The following SPATA9 variants were observed in gnomAD, a reference collection of about 807,000 sequenced individuals.
SPATA9 encodes spermatogenesis-associated protein 9.
Under a neutral mutation model 25.5 loss-of-function variants are expected in SPATA9, and 27 were observed. That is an observed-to-expected ratio of 1.06 (90% confidence interval 0.78 to 1.46). SPATA9 has a LOEUF of 1.46. Ranked by LOEUF, SPATA9 falls within the 40% of genes most tolerant of loss-of-function variation. SPATA9 has a pLI of 0.00. For synonymous variants in SPATA9, 102 were observed against 105.7 expected, an observed-to-expected ratio of 0.97 and a Z score of 0.21; for missense variants, 282 against 297.5, an observed-to-expected ratio of 0.95 and a Z score of 0.38.
upstream of SPATA9, among the ~76,000 whole-genome samples, chr5:95,685,837 T>C (rs371865428): frequency 6.6e-6 from 1 of 152,200 alleles, no homozygotes; most frequent in East Asian, 1.9e-4. Context: ...TTTTTTCGTT[T>C]GTTTGTTTGT....
At chr5:95,652,521 C>A, downstream of SPATA9, 1 of 693,478 alleles carries the variant, frequency 1.4e-6, no homozygotes, top group Non-Finnish European at 2.1e-6. Flanking sequence ...CCATTCATTT[C>A]TTGGCCTTTC....
chr5:95,698,127 C>T (rs1378853979), intron 1 of SPATA9, among the ~76,000 whole-genome samples: 1 of 152,056 alleles, frequency 6.6e-6, no homozygotes, highest in Non-Finnish European at 1.5e-5. Context: ...TAATAGAGTG[C>T]TTGGGACTTT....
the SPATA9 span, chr5:95,731,714 C>CT: frequency 6.2e-7 from 1 of 1,613,238 alleles, no homozygotes; most frequent in African/African-American, 1.3e-5. Flanking sequence ...CTGCCATTGT[C>CT]TCTCTCCAGC....
chr5:95,673,257 A>G (rs899017103), intron 3 of SPATA9, among the ~76,000 whole-genome samples: 1 of 152,296 alleles, frequency 6.6e-6, no homozygotes, highest in East Asian at 1.9e-4. Flanking sequence ...TTTGGCCCAC[A>G]TCACATTGCC....
At chr5:95,725,688 A>G in the SPATA9 span, among the ~76,000 whole-genome samples, 3 of 152,214 alleles carry the variant, frequency 2.0e-5, no homozygotes, top group Non-Finnish European at 4.4e-5. Context: ...TACTTGTATA[A>G]CCTCTTACAG....
chr5:95,731,156 G>C, the SPATA9 span: 1 of 1,016,696 alleles, frequency 9.8e-7, no homozygotes, highest in South Asian at 3.5e-5. Context: ...CGCGCGGGCG[G>C]CTCCTTTGTG....
chr5:95,685,898 G>A (rs1289391352), upstream of SPATA9, among the ~76,000 whole-genome samples: 1 of 152,098 alleles, frequency 6.6e-6, no homozygotes, highest in Non-Finnish European at 1.5e-5. Flanking sequence ...ATGCAGTGGC[G>A]CGATCTCGGC....
At chr5:95,704,729 ATTTCTCACCG>A in the SPATA9 span, among the ~76,000 whole-genome samples, 19 of 152,224 alleles carry the variant, frequency 1.2e-4, no homozygotes, top group African/African-American at 4.6e-4. Flanking sequence ...ACAGAAATTT[ATTTCTCACCG>A]TTTTAGAGGC....
chr5:95,720,963 T>C, the SPATA9 span, among the ~76,000 whole-genome samples: 1 of 152,240 alleles, frequency 6.6e-6, no homozygotes, highest in East Asian at 1.9e-4. Context: ...GTTCTTCTTA[T>C]GATTTGTCAG....
At chr5:95,664,116 T>C in intron 3 of SPATA9, 68 bp from the exon 4 acceptor site, 1 of 858,158 alleles carries the variant, frequency 1.2e-6, no homozygotes, top group Non-Finnish European at 1.7e-6. Context: ...TATTGTACAA[T>C]GTTACTGTAA....
intron 2 of SPATA9, among the ~76,000 whole-genome samples, chr5:95,680,926 A>C (rs1258884412): frequency 6.6e-6 from 1 of 152,106 alleles, no homozygotes; most frequent in Non-Finnish European, 1.5e-5. Flanking sequence ...CCACCCACGA[A>C]ATCCAGAATC....
chr5:95,684,812 TGTTA>T (rs1220367476), upstream of SPATA9: 1 of 152,256 alleles, frequency 6.6e-6, no homozygotes, highest in Non-Finnish European at 1.5e-5. Flanking sequence ...TTCTTCATTA[TGTTA>T]TTCTTTAGAG....
downstream of SPATA9, chr5:95,654,258 G>A (rs200997187): frequency 1.9e-6 from 3 of 1,609,764 alleles, no homozygotes; most frequent in African/African-American, 2.7e-5. Context: ...TTTTTCATTT[G>A]TAAAACTTTA....
chr5:95,702,444 G>A (rs1467711624), upstream of SPATA9, among the ~76,000 whole-genome samples: 1 of 152,168 alleles, frequency 6.6e-6, no homozygotes, highest in African/African-American at 2.4e-5. Flanking sequence ...GAAGCTCAGA[G>A]GCATCAAGCG....
the SPATA9 span, chr5:95,731,525 C>A: frequency 3.8e-6 from 5 of 1,301,534 alleles, no homozygotes; most frequent in Admixed American, 4.3e-5. Flanking sequence ...GGCGCGGCCC[C>A]GGCCCCGCTC....
At chr5:95,691,567 T>A (rs552010833) in intron 1 of SPATA9, among the ~76,000 whole-genome samples, 2,413 of 152,306 alleles carry the variant, frequency 0.016, 61 homozygotes, top group African/African-American at 0.055. Context: ...TAGTAGTGTT[T>A]TTTTCCTTAT....
intron 4 of SPATA9, among the ~76,000 whole-genome samples, chr5:95,662,607 G>C (rs1236308302): frequency 6.6e-6 from 1 of 152,040 alleles, no homozygotes; most frequent in East Asian, 1.9e-4. Flanking sequence ...GAATGAAAAG[G>C]CAAGTCACGG....
chr5:95,700,664 C>A (rs377341367), upstream of SPATA9, among the ~76,000 whole-genome samples: 34 of 152,124 alleles, frequency 2.2e-4, no homozygotes, highest in African/African-American at 7.7e-4. Context: ...CTGGCCTCAG[C>A]GATCTGCCCA....
the SPATA9 span, among the ~76,000 whole-genome samples, chr5:95,727,968 A>G: frequency 6.6e-6 from 1 of 152,222 alleles, no homozygotes; most frequent in African/African-American, 2.4e-5. Context: ...AATAGCTTCA[A>G]ACACCTGGCT....
Sources: gnomAD v4.1 joint callset for allele counts (sites outside exome capture counted in the v4.1 genomes callset) on GRCh38, gnomAD v4.1.1 for gene constraint, MANE v1.5 for transcripts, NCBI Gene and HGNC (gene_info 2026-07-23, HGNC 2026-07-21) for gene names.